Variants in ARHGAP26 observed in about 807,000 individuals in gnomAD.
ARHGAP26 encodes Rho GTPase activating protein 26.
In ARHGAP26, 38 loss-of-function variants were observed where a neutral mutation model predicts 104.8. The ratio of observed to expected loss-of-function variants is 0.36; its 90% confidence interval spans 0.28 to 0.48. ARHGAP26 has a LOEUF of 0.48. Among genes scored for constraint, ARHGAP26 ranks in the 20% least tolerant of loss-of-function variants. The pLI is 0.99. For missense variants in ARHGAP26, 704 were observed against 947.9 expected (o/e 0.74, Z 3.38); for synonymous variants, 341 against 340.0 (o/e 1.00, Z -0.03).
At chr5:142,848,385 A>G (rs578162527) in intron 1 of ARHGAP26, among the ~76,000 whole-genome samples, 1 of 152,352 alleles carries the variant, frequency 6.6e-6, no homozygotes, top group East Asian at 1.9e-4. Context: ...TGAACCAAAC[A>G]AAAGCTTGTT....
At chr5:143,083,612 C>T (rs1328164383) in intron 17 of ARHGAP26, among the ~76,000 whole-genome samples, 1 of 152,166 alleles carries the variant, frequency 6.6e-6, no homozygotes, top group Non-Finnish European at 1.5e-5. Flanking sequence ...GATGCTCCTG[C>T]CTCAGCCTTC....
intron 12 of ARHGAP26, among the ~76,000 whole-genome samples, chr5:143,020,569 C>G (rs773892006): frequency 6.6e-6 from 1 of 151,268 alleles, no homozygotes. Flanking sequence ...ACTTCCTCCT[C>G]TTTGCATCCA....
intron 11 of ARHGAP26, among the ~76,000 whole-genome samples, chr5:142,990,937 C>T (rs1775507385): frequency 6.6e-6 from 1 of 152,202 alleles, no homozygotes; most frequent in Non-Finnish European, 1.5e-5. Context: ...GGCAGTCTGT[C>T]CATTCTCAGA....
chr5:142,999,729 A>C (rs1471081978), intron 11 of ARHGAP26, among the ~76,000 whole-genome samples: 4 of 152,230 alleles, frequency 2.6e-5, no homozygotes, highest in African/African-American at 9.6e-5. Context: ...AAAGTTATGT[A>C]ATAGGACATA....
intron 22 of ARHGAP26, among the ~76,000 whole-genome samples, chr5:143,217,827 C>A (rs1220089550): frequency 1.3e-5 from 2 of 152,224 alleles, no homozygotes; most frequent in African/African-American, 2.4e-5. Flanking sequence ...CTCCCAGAAC[C>A]CCTTCTTCAC....
At chr5:142,976,552 A>T (rs1446923274) in intron 11 of ARHGAP26, among the ~76,000 whole-genome samples, 1 of 152,224 alleles carries the variant, frequency 6.6e-6, no homozygotes, top group Non-Finnish European at 1.5e-5. Context: ...TACATAATAG[A>T]TGTATCCATC....
intron 14 of ARHGAP26, among the ~76,000 whole-genome samples, chr5:143,052,138 A>G (rs187853350): frequency 2.6e-3 from 401 of 152,316 alleles, no homozygotes; most frequent in Non-Finnish European, 3.9e-3. Context: ...GCTGTGATAG[A>G]ACTCTATGGA....
intron 1 of ARHGAP26, among the ~76,000 whole-genome samples, chr5:142,851,713 A>G (rs1751555364): frequency 6.6e-6 from 1 of 151,872 alleles, no homozygotes; most frequent in African/African-American, 2.4e-5. Flanking sequence ...TGGTCTCACC[A>G]CCCCTGCCCT....
At position 143,054,690 on chromosome 5, in the gene ARHGAP26, A is replaced by C. The variant is rs117848107; in HGVS notation, c.1373+164A>C. Among the ~76,000 whole-genome samples, 7 of 152,296 alleles carry C rather than the reference A, an allele frequency of 4.6e-5. No homozygotes were observed. In the East Asian group the frequency reaches 1.4e-3, roughly 29 times the overall value. The stretch of plus-strand genomic sequence containing the variant: ...AGCTCAGCTGGTCAAACCAATCGTA[A>C]ATCATCCATAGTTGATGGGTTGCCT... On this transcript the variant is annotated intron_variant, in intron 15 of 22. Transcript: ENST00000645722.
chr5:143,150,602 G>A (rs1799731483), intron 20 of ARHGAP26, among the ~76,000 whole-genome samples: 1 of 152,160 alleles, frequency 6.6e-6, no homozygotes, highest in South Asian at 2.1e-4. Flanking sequence ...TATTAGGGGA[G>A]GAGGGAGCTG....
intron 19 of ARHGAP26, 125 bp from the exon 20 acceptor site, chr5:143,147,106 T>C: frequency 8.4e-7 from 1 of 1,193,936 alleles, no homozygotes; most frequent in Non-Finnish European, 1.2e-6. Context: ...CTATGTTGTT[T>C]CTTAAGCTTC....
intron 20 of ARHGAP26, among the ~76,000 whole-genome samples, chr5:143,192,189 G>A (rs1330207944): frequency 6.6e-6 from 1 of 152,196 alleles, no homozygotes; most frequent in African/African-American, 2.4e-5. Context: ...AAGATTCCAA[G>A]GAGAAAGATC....
At chr5:143,026,619 A>T (rs1320843136) in intron 12 of ARHGAP26, among the ~76,000 whole-genome samples, 2 of 152,154 alleles carry the variant, frequency 1.3e-5, no homozygotes. Flanking sequence ...GGATGGGAGG[A>T]GGCCCTGGGG....
At chr5:143,131,742 A>G (rs891293739) in intron 18 of ARHGAP26, among the ~76,000 whole-genome samples, 3 of 152,224 alleles carry the variant, frequency 2.0e-5, no homozygotes, top group Non-Finnish European at 4.4e-5. Context: ...GTTGGCCTCC[A>G]GCTTAGAGAT....
At chr5:143,151,232 C>T (rs190471900) in intron 20 of ARHGAP26, among the ~76,000 whole-genome samples, 46 of 152,304 alleles carry the variant, frequency 3.0e-4, no homozygotes, top group African/African-American at 1.1e-3. Flanking sequence ...CCACTACACA[C>T]CTCTGAGAAT....
intron 19 of ARHGAP26, among the ~76,000 whole-genome samples, chr5:143,134,337 A>G (rs1797692071): frequency 6.6e-6 from 1 of 152,208 alleles, no homozygotes; most frequent in Non-Finnish European, 1.5e-5. Flanking sequence ...CTCTTTCCAG[A>G]TCACCTGTGG....
chr5:143,036,391 C>G (rs1782648002), intron 12 of ARHGAP26, among the ~76,000 whole-genome samples: 1 of 152,122 alleles, frequency 6.6e-6, no homozygotes. Flanking sequence ...GAAGAAGTTG[C>G]TGCTGTTGAT....
chr5:143,078,506 T>C (rs1274685948), intron 17 of ARHGAP26, among the ~76,000 whole-genome samples: 1 of 152,200 alleles, frequency 6.6e-6, no homozygotes, highest in Non-Finnish European at 1.5e-5. Context: ...AGTCTGCTTT[T>C]AGTTTGCCAT....
At chr5:142,882,383 A>G (rs1237024939) in intron 4 of ARHGAP26, among the ~76,000 whole-genome samples, 1 of 152,220 alleles carries the variant, frequency 6.6e-6, no homozygotes, top group Non-Finnish European at 1.5e-5. Context: ...AATGTTAGTG[A>G]TTATATTAGA....
Sources: allele counts gnomAD v4.1 joint callset (sites outside exome capture counted in the v4.1 genomes callset), GRCh38; gene constraint gnomAD v4.1.1; transcripts MANE v1.5; gene names NCBI Gene and HGNC (gene_info 2026-07-23, HGNC 2026-07-21).